Variants in NEK6 observed in about 807,000 individuals in gnomAD.
NEK6 encodes the protein NIMA related kinase 6, also known as serine/threonine-protein kinase Nek6.
In NEK6, 27 loss-of-function variants were observed where a neutral mutation model predicts 43.5. The ratio of observed to expected loss-of-function variants is 0.62; its 90% confidence interval spans 0.46 to 0.86. NEK6 has a LOEUF of 0.86. Ranked by LOEUF, NEK6 falls within the 40% of genes least tolerant of loss-of-function variation. NEK6 has a pLI of 0.00. For synonymous variants in NEK6, 167 were observed against 164.1 expected (o/e 1.02, Z -0.14); for missense variants, 318 against 414.4 (o/e 0.77, Z 2.02).
intron 5 of NEK6, among the ~76,000 whole-genome samples, chr9:124,323,631 G>C (rs964659249): frequency 1.3e-5 from 2 of 152,116 alleles, no homozygotes; most frequent in African/African-American, 4.8e-5. Context: ...CACGGAGTGG[G>C]GCTGCCGTCA....
chr9:124,284,875 A>C (rs961604177), intron 1 of NEK6, among the ~76,000 whole-genome samples: 1 of 152,212 alleles, frequency 6.6e-6, no homozygotes, highest in Non-Finnish European at 1.5e-5. Flanking sequence ...CCAGGTCTTC[A>C]AATTTACACC....
upstream of NEK6, chr9:124,257,882 G>A (rs1416889245): frequency 9.9e-7 from 1 of 1,005,668 alleles, no homozygotes; most frequent in Non-Finnish European, 1.2e-6. Flanking sequence ...CAGCGCGCAC[G>A]AGCGCTGGGG....
intron 2 of NEK6, 151 bp from the exon 3 acceptor site, chr9:124,312,358 G>A (rs923490291): frequency 1.1e-6 from 1 of 906,976 alleles, no homozygotes; most frequent in African/African-American, 1.7e-5. Context: ...GCCCCCTGGG[G>A]GGGTGCCTGG....
intron 1 of NEK6, among the ~76,000 whole-genome samples, chr9:124,271,585 C>T (rs1399277460): frequency 6.6e-6 from 1 of 152,266 alleles, no homozygotes; most frequent in African/African-American, 2.4e-5. Flanking sequence ...GAGAATGAAG[C>T]TGCCAGTCCA....
chr9:124,280,560 G>A (rs77518495), intron 1 of NEK6, among the ~76,000 whole-genome samples: 21,780 of 152,222 alleles, frequency 0.14, 1,631 homozygotes, highest in Non-Finnish European at 0.16. Flanking sequence ...ACTGGGTACC[G>A]TGGGGCAGAC....
chr9:124,295,901 A>G (rs995607664), intron 1 of NEK6, among the ~76,000 whole-genome samples: 3 of 152,232 alleles, frequency 2.0e-5, no homozygotes, highest in African/African-American at 7.2e-5. Context: ...TTGGCAAGCC[A>G]TGTTTCTCCA....
chr9:124,257,835 G>GCCGGGGCGC (rs1444465549), upstream of NEK6: 3 of 1,115,586 alleles, frequency 2.7e-6, no homozygotes, highest in African/African-American at 4.9e-5. Context: ...GAAGGACGCC[G>GCCGGGGCGC]CCGGGGCGCC....
intron 1 of NEK6, among the ~76,000 whole-genome samples, chr9:124,273,975 T>C (rs1008353838): frequency 6.6e-6 from 1 of 152,180 alleles, no homozygotes; most frequent in African/African-American, 2.4e-5. Context: ...CCTCATACAC[T>C]TTGGGCACAG....
chr9:124,333,229 G>C (rs1829105739), intron 7 of NEK6, among the ~76,000 whole-genome samples: 3 of 152,236 alleles, frequency 2.0e-5, no homozygotes, highest in Non-Finnish European at 4.4e-5. Context: ...GTGCTCTGTA[G>C]TGTCTGAGTG....
chr9:124,345,781 G>A (rs568933877), intron 8 of NEK6, among the ~76,000 whole-genome samples: 2 of 152,354 alleles, frequency 1.3e-5, no homozygotes, highest in African/African-American at 2.4e-5. Flanking sequence ...GATCACCCCA[G>A]GTGACCGTCC....
At chr9:124,340,789 G>A (rs1267266311) in intron 8 of NEK6, among the ~76,000 whole-genome samples, 3 of 152,214 alleles carry the variant, frequency 2.0e-5, no homozygotes, top group Non-Finnish European at 2.9e-5. Flanking sequence ...CGAGTGCTGC[G>A]CAGTTGTCCA....
intron 1 of NEK6, among the ~76,000 whole-genome samples, chr9:124,277,831 G>A (rs1056888733): frequency 6.6e-6 from 1 of 152,188 alleles, no homozygotes; most frequent in Admixed American, 6.5e-5. Context: ...CAATTTCCAG[G>A]CTGCCTCGTG....
At chr9:124,312,185 T>A (rs569137318) in intron 2 of NEK6, among the ~76,000 whole-genome samples, 2 of 152,354 alleles carry the variant, frequency 1.3e-5, no homozygotes, top group African/African-American at 4.8e-5. Flanking sequence ...GCAACGCCCG[T>A]GGTCCCACGG....
At position 124,301,071 on chromosome 9, in the gene NEK6, CCTT is replaced by C. The variant is rs1255015451; in HGVS notation, c.-29-862_-29-860del. 2.6e-5 allele frequency among the ~76,000 whole-genome samples: 4 copies of C among 152,204 alleles called. No homozygotes were observed. In the South Asian group the frequency reaches 8.3e-4, roughly 32 times the overall value. The stretch of plus-strand genomic sequence containing the variant: ...GCTTGTGGGGTGAGCGCAGGTCTCT[CCTT>C]CTGGGGAGGAGGAGGGCTTTTCCCC... On this transcript the variant is annotated intron_variant, in intron 1 of 9. Coordinates refer to ENST00000320246, the MANE Select transcript of NEK6 (RefSeq NM_014397.6).
chr9:124,275,389 T>C lies in NEK6; in HGVS notation c.-30+17304T>C, dbSNP rs1031026818. 1.3e-5 allele frequency among the ~76,000 whole-genome samples: 2 copies of C among 152,190 alleles called. No individual in the cohort carries two copies. The highest frequency in any genetic ancestry group is 2.9e-5 in the Non-Finnish European group (2 of 68,030). ...CACTGTGGAGGGGTGACCTGGTTGA[T>C]GACGGTCATGGAGCCCAGAACCCAT... On this transcript the variant is annotated intron_variant, in intron 1 of 9. Transcript: ENST00000320246. This position sits in a 1 kb window ranked among gnomAD's most constrained non-coding sequence, Gnocchi z 4.4.
At chr9:124,271,748 C>T (rs1831445861) in intron 1 of NEK6, among the ~76,000 whole-genome samples, 1 of 152,268 alleles carries the variant, frequency 6.6e-6, no homozygotes, top group Non-Finnish European at 1.5e-5. Context: ...GCTGCATCTG[C>T]ATCTGCAGGA....
At chr9:124,346,865 C>T (rs1231441402) in intron 8 of NEK6, among the ~76,000 whole-genome samples, 1 of 152,228 alleles carries the variant, frequency 6.6e-6, no homozygotes, top group Non-Finnish European at 1.5e-5. Flanking sequence ...AGGGCAGAAC[C>T]GGTGCCGCAG....
chr9:124,339,454 A>T, intron 7 of NEK6, 117 bp from the exon 8 acceptor site: 1 of 744,136 alleles, frequency 1.3e-6, no homozygotes, highest in Non-Finnish European at 2.4e-6. Context: ...AGGGCTGCTC[A>T]GAGACCGAGG....
intron 1 of NEK6, among the ~76,000 whole-genome samples, chr9:124,295,157 G>A (rs144478967): frequency 3.2e-4 from 48 of 152,380 alleles, no homozygotes; most frequent in Middle Eastern, 3.4e-3. Flanking sequence ...CCTTCCAGGA[G>A]TGGCTCATGG....
Sources: gnomAD v4.1 joint callset for allele counts (sites outside exome capture counted in the v4.1 genomes callset) on GRCh38, gnomAD v4.1.1 for gene constraint, Gnocchi (gnomAD v3.1) non-coding constraint, MANE v1.5 for transcripts, NCBI Gene and HGNC (gene_info 2026-07-23, HGNC 2026-07-21) for gene names.